Variants in GPC5 observed in about 807,000 individuals in gnomAD.
GPC5 encodes glypican-5.
GPC5 carries 47 observed loss-of-function variants against 53.9 expected under a neutral mutation model. The observed-to-expected ratio is 0.87, with a 90% confidence interval of 0.69 to 1.11. The LOEUF (loss-of-function observed/expected upper bound fraction) is 1.11. Among genes scored for constraint, GPC5 ranks in the 50% most tolerant of loss-of-function variants. The probability of loss-of-function intolerance (pLI) is 0.00; values close to 1 mark genes in which losing one functional copy is unlikely to be tolerated. For synonymous variants in GPC5, 286 were observed against 263.3 expected (o/e 1.09, Z -0.84); for missense variants, 748 against 713.1 (o/e 1.05, Z -0.56).
At chr13:91,647,922 T>C (rs139971275) in intron 2 of GPC5, among the ~76,000 whole-genome samples, 2 of 152,364 alleles carry the variant, frequency 1.3e-5, no homozygotes, top group Non-Finnish European at 2.9e-5. Flanking sequence ...AAGAAACATA[T>C]ACACTTAAGT....
intron 7 of GPC5, chr13:92,709,398 G>A (rs953767802): frequency 6.6e-6 from 1 of 151,986 alleles, no homozygotes; most frequent in Non-Finnish European, 1.5e-5. Context: ...TAGCATTAAT[G>A]TCCACACACA....
intron 6 of GPC5, among the ~76,000 whole-genome samples, chr13:92,032,446 T>TA (rs61099950): frequency 0.016 from 2,330 of 142,790 alleles, 29 homozygotes; most frequent in African/African-American, 0.038. Flanking sequence ...AATAAAAATT[T>TA]AAAAAAAAAA....
intron 7 of GPC5, among the ~76,000 whole-genome samples, chr13:92,361,839 T>C (rs563651807): frequency 6.6e-6 from 1 of 151,876 alleles, no homozygotes; most frequent in African/African-American, 2.4e-5. Flanking sequence ...AGAAAAGTCT[T>C]ACTTCTCAGT....
At chr13:91,863,164 C>T (rs956033902) in intron 5 of GPC5, among the ~76,000 whole-genome samples, 1 of 151,908 alleles carries the variant, frequency 6.6e-6, no homozygotes, top group African/African-American at 2.4e-5. Context: ...TCAGGGAATG[C>T]ACTTTGACAA....
intron 7 of GPC5, among the ~76,000 whole-genome samples, chr13:92,266,894 T>G (rs1003799674): frequency 6.6e-5 from 10 of 152,244 alleles, no homozygotes; most frequent in East Asian, 1.9e-4. Flanking sequence ...ATTTTTTTTT[T>G]TTGTTAAATA....
At chr13:92,520,610 A>C (rs937280512) in intron 7 of GPC5, among the ~76,000 whole-genome samples, 1 of 152,178 alleles carries the variant, frequency 6.6e-6, no homozygotes, top group African/African-American at 2.4e-5. Context: ...TCAATAAATT[A>C]GGTATTGATG....
At position 91,756,321 on chromosome 13, in the gene GPC5, A is replaced by G; in HGVS notation, c.1181A>G (p.Tyr394Cys). 6.3e-7 allele frequency: 1 copy of G among 1,579,178 alleles called. No homozygotes were observed. The highest frequency in any genetic ancestry group is 8.7e-7 in the Non-Finnish European group (1 of 1,154,996). ...RKEFINSLRL[Y>C]RSFYGGLADQ... ...GAATTTATCAACAGCCTTCGACTGT[A>G]CAGGTCATTCTATGGAGGTCTAGCT... Residue 394 changes from tyrosine (Y) to cysteine (C), a missense_variant, in exon 5 of 8, where the codon TAC becomes TGC. Coordinates refer to ENST00000377067, the MANE Select transcript of GPC5 (RefSeq NM_004466.6).
chr13:92,557,449 T>A (rs550674996), intron 7 of GPC5, among the ~76,000 whole-genome samples: 1 of 152,056 alleles, frequency 6.6e-6, no homozygotes, highest in South Asian at 2.1e-4. Flanking sequence ...TTACCCCTAA[T>A]TGGAATCTCA....
At chr13:92,096,984 A>C (rs2041427177) in intron 6 of GPC5, among the ~76,000 whole-genome samples, 2 of 152,190 alleles carry the variant, frequency 1.3e-5, no homozygotes, top group South Asian at 4.1e-4. Flanking sequence ...ATTTGCTAGT[A>C]AAGAGTCAAG....
intron 5 of GPC5, among the ~76,000 whole-genome samples, chr13:91,864,759 A>C (rs2138918697): frequency 6.6e-6 from 1 of 152,326 alleles, no homozygotes; most frequent in East Asian, 1.9e-4. Context: ...AAAGTTTTCA[A>C]GTTAAGTAAT....
intron 2 of GPC5, among the ~76,000 whole-genome samples, chr13:91,598,005 G>C (rs2033055241): frequency 6.6e-6 from 1 of 151,942 alleles, no homozygotes; most frequent in African/African-American, 2.4e-5. Context: ...AAAAACATCA[G>C]AAAATAGAGA....
intron 1 of GPC5, among the ~76,000 whole-genome samples, 190 bp downstream of exon 1, chr13:91,399,399 A>T (rs928260801): frequency 1.3e-5 from 2 of 151,848 alleles, no homozygotes; most frequent in African/African-American, 4.8e-5. Context: ...AGCTCTGGGG[A>T]CCCCTAACCA....
Position 91,679,944 on chromosome 13 carries a change from T to C in GPC5, c.326-13243T>C, listed in dbSNP as rs569765084. Among the ~76,000 whole-genome samples, 3 of 152,286 alleles carry C rather than the reference T, an allele frequency of 2.0e-5. No homozygotes were observed. In the East Asian group the frequency reaches 5.8e-4, roughly 29 times the overall value. Reference sequence around the variant, plus strand: ...TTTTTTTCTGAATACCATTTTTTTTTCTTGAACAAAGTGATTGACAGGCAA... The same window carrying C: ...TTTTTTTCTGAATACCATTTTTTTTCCTTGAACAAAGTGATTGACAGGCAA... On this transcript the variant is annotated intron_variant, in intron 2 of 7. Coordinates refer to ENST00000377067, the MANE Select transcript of GPC5 (RefSeq NM_004466.6).
rs942629051 is a variant in GPC5, at chr13:92,145,072, T to G, written c.1561+83T>G. 70 of 1,163,332 alleles carry G rather than the reference T, an allele frequency of 6.0e-5. No homozygotes were observed. In the Middle Eastern group the frequency reaches 2.0e-3, roughly 34 times the overall value. 72.1% of individuals were successfully genotyped at this position (1,163,332 alleles called of 1,614,324 possible). On this transcript the variant is annotated intron_variant, in intron 7 of 7. Transcript: ENST00000377067. ...AGATATTGTTATGGATGTAAAGAAATAATGACAATTCAAAAACAAGCAAGA... is the reference window on the plus strand; with the variant it reads ...AGATATTGTTATGGATGTAAAGAAAGAATGACAATTCAAAAACAAGCAAGA...
chr13:92,515,401 C>A (rs1416660215), intron 7 of GPC5, among the ~76,000 whole-genome samples: 1 of 152,146 alleles, frequency 6.6e-6, no homozygotes, highest in Non-Finnish European at 1.5e-5. Context: ...TTTCTTTCAT[C>A]TAATTCCAGA....
chr13:92,684,406 G>C (rs914593244), intron 7 of GPC5, among the ~76,000 whole-genome samples: 1 of 152,006 alleles, frequency 6.6e-6, no homozygotes, highest in African/African-American at 2.4e-5. Context: ...GAGCAGCTGG[G>C]ACTACAGGCG....
chr13:91,941,412 A>G (rs114669981), intron 6 of GPC5, among the ~76,000 whole-genome samples: 3 of 152,134 alleles, frequency 2.0e-5, no homozygotes, highest in Admixed American at 1.3e-4. Flanking sequence ...CCCTTCAGGT[A>G]TTACCCTGTC....
intron 7 of GPC5, among the ~76,000 whole-genome samples, chr13:92,756,223 C>G (rs1284672677): frequency 6.6e-6 from 1 of 151,938 alleles, no homozygotes; most frequent in African/African-American, 2.4e-5. Flanking sequence ...GAGCCAAAGA[C>G]AAAAACCACA....
At chr13:91,801,126 C>T (rs1338918793) in intron 5 of GPC5, among the ~76,000 whole-genome samples, 9 of 152,102 alleles carry the variant, frequency 5.9e-5, no homozygotes, top group Non-Finnish European at 1.0e-4. Flanking sequence ...CTAGTCATTA[C>T]ATAACAAATA....
Sources: gnomAD v4.1 joint callset for allele counts (sites outside exome capture counted in the v4.1 genomes callset) on GRCh38, gnomAD v4.1.1 for gene constraint, MANE v1.5 for transcripts, NCBI Gene and HGNC (gene_info 2026-07-23, HGNC 2026-07-21) for gene names.